REEP3: variants seen among roughly 807,000 people sequenced by gnomAD.
The protein encoded by REEP3 is receptor accessory protein 3.
Under a neutral mutation model 41.3 loss-of-function variants are expected in REEP3, and 20 were observed. That is an observed-to-expected ratio of 0.48 (90% CI 0.34 to 0.70). The LOEUF (loss-of-function observed/expected upper bound fraction) is 0.70. Among genes scored for constraint, REEP3 ranks in the 30% least tolerant of loss-of-function variants. The pLI, the probability that REEP3 is intolerant of heterozygous loss-of-function variation, is 0.01. For missense variants in REEP3, 271 were observed against 308.8 expected (o/e 0.88, Z 0.92); for synonymous variants, 104 against 101.8 (o/e 1.02, Z -0.13).
chr10:63,611,947 AAAAAAG>A (rs1392043481), intron 6 of REEP3, among the ~76,000 whole-genome samples: 5 of 151,830 alleles, frequency 3.3e-5, no homozygotes, highest in South Asian at 2.1e-4. Context: ...CTCAGAAAAA[AAAAAAG>A]AAAAAGAAAA....
intron 1 of REEP3, among the ~76,000 whole-genome samples, chr10:63,522,782 A>T (rs967083345): frequency 6.6e-6 from 1 of 152,176 alleles, no homozygotes; most frequent in South Asian, 2.1e-4. Flanking sequence ...TAAATCGCAA[A>T]GTTTCTAGTT....
chr10:63,595,083 A>G (rs1231923753), intron 3 of REEP3, among the ~76,000 whole-genome samples: 2 of 151,976 alleles, frequency 1.3e-5, no homozygotes, highest in Non-Finnish European at 2.9e-5. Flanking sequence ...CACCTCCCAC[A>G]CACCTTCCCC....
At chr10:63,550,278 T>C (rs1018999817) in intron 1 of REEP3, among the ~76,000 whole-genome samples, 6 of 152,188 alleles carry the variant, frequency 3.9e-5, no homozygotes, top group Admixed American at 1.3e-4. Context: ...GAATCTCATG[T>C]TGGATGTAAA....
chr10:63,561,756 T>G (rs1414073647), intron 1 of REEP3, among the ~76,000 whole-genome samples: 1 of 152,204 alleles, frequency 6.6e-6, no homozygotes, highest in African/African-American at 2.4e-5. Context: ...AATGGATGCA[T>G]GTACTCTCAC....
At chr10:63,549,297 G>T (rs529767681) in intron 1 of REEP3, among the ~76,000 whole-genome samples, 8 of 152,364 alleles carry the variant, frequency 5.3e-5, no homozygotes, top group African/African-American at 1.7e-4. Flanking sequence ...GCCAGGTGTG[G>T]TGGCTCATGC....
chr10:63,615,958 T>TA (rs1189642966), intron 6 of REEP3, among the ~76,000 whole-genome samples: 1 of 152,200 alleles, frequency 6.6e-6, no homozygotes, highest in Non-Finnish European at 1.5e-5. Context: ...CCTCCCCACT[T>TA]ACGCTCCCTT....
chr10:63,564,602 G>A (rs1272877753), intron 1 of REEP3, among the ~76,000 whole-genome samples: 3 of 150,854 alleles, frequency 2.0e-5, no homozygotes, highest in Non-Finnish European at 3.0e-5. Context: ...CAGTCTGGGC[G>A]ACGGCGAGAC....
intron 6 of REEP3, among the ~76,000 whole-genome samples, chr10:63,613,073 A>G (rs1264099810): frequency 6.6e-6 from 1 of 151,800 alleles, no homozygotes; most frequent in Admixed American, 6.6e-5. Context: ...GTGCAGTGGC[A>G]CGATCTCGGC....
At chr10:63,537,868 A>T (rs998768681) in intron 1 of REEP3, among the ~76,000 whole-genome samples, 2 of 152,136 alleles carry the variant, frequency 1.3e-5, no homozygotes, top group Non-Finnish European at 2.9e-5. Flanking sequence ...TATGAATCCA[A>T]AGAAGAATGT....
chr10:63,562,962 T>C (rs1955757436), intron 1 of REEP3: 1 of 456,434 alleles, frequency 2.2e-6, no homozygotes, highest in Admixed American at 2.4e-5. Context: ...GTACGGTCTT[T>C]AGAGAGGGCC....
At chr10:63,542,587 C>T (rs1955538649) in intron 1 of REEP3, among the ~76,000 whole-genome samples, 1 of 152,138 alleles carries the variant, frequency 6.6e-6, no homozygotes, top group Non-Finnish European at 1.5e-5. Context: ...AAATACAGCA[C>T]TATATTACCA....
chr10:63,602,393 T>G (rs1355866132), intron 5 of REEP3, among the ~76,000 whole-genome samples: 5 of 152,196 alleles, frequency 3.3e-5, no homozygotes, highest in African/African-American at 1.2e-4. Context: ...GCTATAAAAT[T>G]TAGCATTTTT....
intron 2 of REEP3, among the ~76,000 whole-genome samples, chr10:63,593,713 A>T (rs1292231156): frequency 1.3e-5 from 2 of 152,226 alleles, no homozygotes; most frequent in Non-Finnish European, 2.9e-5. Flanking sequence ...ATTAACTCAG[A>T]AAACATTAAT....
chr10:63,549,541 T>C (rs983401660), intron 1 of REEP3, among the ~76,000 whole-genome samples: 2 of 152,210 alleles, frequency 1.3e-5, no homozygotes, highest in African/African-American at 4.8e-5. Flanking sequence ...TACTCCAGTT[T>C]GGGTGACGTT....
chr10:63,524,772 T>A (rs186360038), intron 1 of REEP3, among the ~76,000 whole-genome samples: 2 of 152,130 alleles, frequency 1.3e-5, no homozygotes, highest in African/African-American at 4.8e-5. Context: ...AGCTGCGTGG[T>A]CTTGGGCAGC....
chr10:63,610,519 G>A (rs933782179), intron 6 of REEP3, among the ~76,000 whole-genome samples, 185 bp downstream of exon 6: 1 of 152,026 alleles, frequency 6.6e-6, no homozygotes, highest in African/African-American at 2.4e-5. Flanking sequence ...CATGGCACAT[G>A]TATACCTGTG....
intron 6 of REEP3, 116 bp downstream of exon 6, chr10:63,610,450 T>C: frequency 2.1e-6 from 2 of 935,532 alleles, no homozygotes; most frequent in East Asian, 5.3e-5. Flanking sequence ...TTAGGACAAA[T>C]ACCTAATGCA....
At chr10:63,613,012 AT>A (rs948563099) in intron 6 of REEP3, among the ~76,000 whole-genome samples, 42 of 147,524 alleles carry the variant, frequency 2.8e-4, no homozygotes, top group African/African-American at 4.0e-4. Context: ...TCACCTATCA[AT>A]TTTTTTTTTT....
chr10:63,521,594 G>A lies in REEP3; in HGVS notation c.32+17G>A, dbSNP rs780334689. 2.1e-6 allele frequency: 3 copies of A among 1,400,186 alleles called. No individual in the cohort carries two copies. The East Asian group carries it at 9.3e-5, about 43-fold the overall frequency. The allele number at this position is 1,400,186 out of a possible 1,614,324, so 86.7% of individuals were successfully genotyped here. ...AGCCGTGGTGTAAGTGCCTCTCACT[G>A]CGCCCTGCAGCCGGCGCGAGGCCCA... On this transcript the variant is annotated intron_variant, in intron 1 of 7. Transcript: ENST00000373758.
Sources: gnomAD v4.1 joint callset for allele counts (sites outside exome capture counted in the v4.1 genomes callset) on GRCh38, gnomAD v4.1.1 for gene constraint, MANE v1.5 for transcripts, NCBI Gene and HGNC (gene_info 2026-07-23, HGNC 2026-07-21) for gene names.